DMD: variants seen among roughly 807,000 people sequenced by gnomAD.
DMD encodes the protein mutant dystrophin.
Under a neutral mutation model 330.1 loss-of-function variants are expected in DMD, and 63 were observed. The ratio of observed to expected loss-of-function variants is 0.19; its 90% CI spans 0.16 to 0.24. The LOEUF is 0.24. Ranked by LOEUF, DMD falls within the 10% of genes least tolerant of loss-of-function variation. DMD has a pLI of 1.00. For synonymous variants in DMD, 1,223 were observed against 959.8 expected, an observed-to-expected ratio of 1.27 and a Z score of -5.07; for missense variants, 3,344 against 2,684.1, an observed-to-expected ratio of 1.25 and a Z score of -5.43.
intron 1 of DMD, among the ~76,000 whole-genome samples, chrX:33,242,321 T>C (rs1387856186): frequency 9.0e-6 from 1 of 111,538 alleles, no homozygotes; most frequent in Non-Finnish European, 1.9e-5. Flanking sequence ...TTTGTGTTCT[T>C]ATAGCTTATC....
At chrX:31,668,917 C>A (rs1439069719) in intron 53 of DMD, among the ~76,000 whole-genome samples, 1 of 111,853 alleles carries the variant, frequency 8.9e-6, no homozygotes, top group Non-Finnish European at 1.9e-5. Flanking sequence ...CAGGTTCATC[C>A]ACGCTGTCAT....
intron 62 of DMD, among the ~76,000 whole-genome samples, chrX:31,283,705 A>T (rs1195266495): frequency 1.8e-5 from 2 of 111,909 alleles, no homozygotes; most frequent in Non-Finnish European, 3.8e-5. Flanking sequence ...GAAAGAAGAA[A>T]ATAAAAAGAT....
intron 60 of DMD, 139 bp downstream of exon 60, chrX:31,444,342 A>T (rs1235411025): frequency 2.8e-6 from 2 of 703,172 alleles, no homozygotes; most frequent in South Asian, 2.6e-5. Context: ...TGGGAATTAT[A>T]AACTAATATA....
At chrX:32,819,532 C>G (rs113916076) in intron 5 of DMD, among the ~76,000 whole-genome samples, 1,435 of 111,614 alleles carry the variant, frequency 0.013, 20 homozygotes, top group African/African-American at 0.044. Context: ...TTTGTTCAAA[C>G]CTGCCTATGT....
chrX:31,474,351 AG>A (rs1046529007), intron 59 of DMD, among the ~76,000 whole-genome samples: 8 of 110,654 alleles, frequency 7.2e-5, no homozygotes, highest in African/African-American at 1.6e-4. Flanking sequence ...ATCAGAATGG[AG>A]GGGGGGTACT....
At position 32,809,575 on chromosome X, in the gene DMD, C is replaced by T; in HGVS notation, c.567G>A (p.Gln189=). The T allele has an allele frequency of 1.7e-6, 2 of 1,210,859 alleles. No individual in the cohort carries two copies. Among genetic ancestry groups the T allele is most frequent in the Non-Finnish European group, 1.1e-6 (1 of 895,110 alleles). Residue 189 remains glutamine (Q), a synonymous_variant, in exon 7 of 79, where the codon CAG becomes CAA. Transcript: ENST00000357033. ...DLFDWNSVVC[Q]QSATQRLEHA... is the part of the protein sequence containing the mutation. ...GTTCCAGTCGTTGTGTGGCTGACTG[C>T]TGGCAAACCACACTATTCCAGTCAA...
At chrX:33,019,844 T>C (rs2093879640) in intron 2 of DMD, among the ~76,000 whole-genome samples, 1 of 111,368 alleles carries the variant, frequency 9.0e-6, no homozygotes, top group Non-Finnish European at 1.9e-5. Context: ...ATATTCTAGC[T>C]ACTTGATGGA....
chrX:31,330,798 A>C (rs1430170298), intron 61 of DMD, among the ~76,000 whole-genome samples: 4 of 111,244 alleles, frequency 3.6e-5, no homozygotes, highest in African/African-American at 1.3e-4. Flanking sequence ...TCCCATTCCA[A>C]TTTTTTTCTG....
At chrX:32,035,526 C>T (rs1392928748) in intron 44 of DMD, 1 of 301,545 alleles carries the variant, frequency 3.3e-6, no homozygotes, top group East Asian at 1.1e-4. Context: ...AACTTACATT[C>T]TAGTAGGCAA....
Position 31,875,211 on chromosome X carries a change from G to T in DMD, c.7075C>A (p.Gln2359Lys). ...NQLEIYNQPN[Q>K]EGPFDVKETE... ...ACCTTAACGTCAAATGGTCCTTCTT[G>T]GTTTGGTTGGTTATAAATTTCCAAC... Residue 2359 changes from glutamine to lysine, a missense_variant, in exon 48 of 79, where the codon CAA becomes AAA. Physicochemically the swap from Gln to Lys is moderately conservative, Grantham distance 53 (BLOSUM62 1). Transcript: ENST00000357033. 8.3e-7 allele frequency: 1 copy of T among 1,202,306 alleles called. No individual in the cohort carries two copies. Among genetic ancestry groups the T allele is most frequent in the Non-Finnish European group, 1.1e-6 (1 of 890,410 alleles).
chrX:33,007,547 T>C (rs1269225475), intron 2 of DMD, among the ~76,000 whole-genome samples: 2 of 111,580 alleles, frequency 1.8e-5, no homozygotes, highest in Admixed American at 9.6e-5. Flanking sequence ...TGAAATTCTA[T>C]ATTCTACTTG....
At chrX:32,908,473 C>A (rs1046477692) in intron 2 of DMD, among the ~76,000 whole-genome samples, 3 of 112,011 alleles carry the variant, frequency 2.7e-5, no homozygotes, top group African/African-American at 9.7e-5. Context: ...GAACGTAAAA[C>A]GGAAGTGCTA....
At chrX:32,585,692 T>C (rs1601903078) in intron 13 of DMD, among the ~76,000 whole-genome samples, 1 of 36,112 alleles carries the variant, frequency 2.8e-5, no homozygotes, top group Non-Finnish European at 5.0e-5. Context: ...AGAGCAGGAC[T>C]CCGTCTCAAA....
chrX:31,324,861 A>G (rs1250196278), intron 61 of DMD, among the ~76,000 whole-genome samples: 1 of 112,284 alleles, frequency 8.9e-6, no homozygotes, highest in African/African-American at 3.2e-5. Flanking sequence ...AGCTTCTAAT[A>G]AAAGTTAACT....
intron 1 of DMD, among the ~76,000 whole-genome samples, chrX:33,171,116 T>A (rs1288631000): frequency 9.9e-5 from 11 of 111,194 alleles, no homozygotes; most frequent in African/African-American, 3.6e-4. Context: ...TGTATAAGCT[T>A]AACAACATAT....
chrX:31,611,041 T>C (rs755826401), intron 55 of DMD, among the ~76,000 whole-genome samples: 1 of 110,454 alleles, frequency 9.1e-6, no homozygotes, highest in South Asian at 3.9e-4. Flanking sequence ...TTTCTTCATT[T>C]CTTTATCCTG....
At chrX:31,178,535 C>T in intron 70 of DMD, 134 bp downstream of exon 70, 1 of 966,136 alleles carries the variant, frequency 1.0e-6, no homozygotes, top group Non-Finnish European at 1.3e-6. Flanking sequence ...TTATTTTTCT[C>T]TTTTCAGCTA....
At chrX:31,893,107 T>C (rs140990159) in intron 47 of DMD, among the ~76,000 whole-genome samples, 1,673 of 112,122 alleles carry the variant, frequency 0.015, 33 homozygotes, top group African/African-American at 0.052. Flanking sequence ...AGTTTTAGTA[T>C]ATCTTCTAAG....
At chrX:31,885,583 C>A (rs1275971495) in intron 47 of DMD, among the ~76,000 whole-genome samples, 1 of 93,501 alleles carries the variant, frequency 1.1e-5, no homozygotes, top group African/African-American at 4.2e-5. Context: ...GCACTCCTGC[C>A]TGGGCGACAG....
Sources: gnomAD v4.1 joint callset for allele counts (sites outside exome capture counted in the v4.1 genomes callset) on GRCh38, gnomAD v4.1.1 for gene constraint, MANE v1.5 for transcripts, NCBI Gene and HGNC (gene_info 2026-07-23, HGNC 2026-07-21) for gene names.